ANO2: variants seen among roughly 807,000 people sequenced by gnomAD.
The protein encoded by ANO2 is anoctamin 2.
Under a neutral mutation model 124.2 loss-of-function variants are expected in ANO2, and 101 were observed. The observed-to-expected ratio is 0.81, with a 90% confidence interval of 0.69 to 0.96. The LOEUF is 0.96. Among genes scored for constraint, ANO2 ranks in the 40% least tolerant of loss-of-function variants. The pLI, the probability that ANO2 is intolerant of heterozygous loss-of-function variation, is 0.00. For synonymous variants in ANO2, 486 were observed against 482.5 expected, an observed-to-expected ratio of 1.01 and a Z score of -0.09; for missense variants, 1,293 against 1,274.5, an observed-to-expected ratio of 1.01 and a Z score of -0.22.
chr12:5,678,610 T>C (rs894673250), intron 14 of ANO2, among the ~76,000 whole-genome samples: 2 of 152,246 alleles, frequency 1.3e-5, no homozygotes, highest in Non-Finnish European at 2.9e-5. Flanking sequence ...TGCTGTCTTC[T>C]GTGCTACGTG....
upstream of ANO2, chr12:5,946,210 C>T (rs1214493401): frequency 1.9e-6 from 3 of 1,608,500 alleles, no homozygotes; most frequent in African/African-American, 4.0e-5. This position sits in a 1 kb window ranked among gnomAD's most constrained non-coding sequence, Gnocchi z 4.1. Flanking sequence ...TGATAGATCC[C>T]ACTTTATAGA....
chr12:5,798,497 C>T (rs537520261), intron 10 of ANO2, among the ~76,000 whole-genome samples: 1 of 152,278 alleles, frequency 6.6e-6, no homozygotes, highest in East Asian at 1.9e-4. Flanking sequence ...GCCCCTCTCA[C>T]AATCCCAGCC....
At chr12:5,814,612 C>T (rs145305352) in intron 7 of ANO2, among the ~76,000 whole-genome samples, 236 of 152,316 alleles carry the variant, frequency 1.5e-3, no homozygotes, top group East Asian at 6.4e-3. Flanking sequence ...TTTCTGTCTT[C>T]CGTAACTAGA....
intron 4 of ANO2, among the ~76,000 whole-genome samples, chr12:5,835,448 CGAA>C (rs1186750091): frequency 6.6e-6 from 1 of 152,188 alleles, no homozygotes; most frequent in African/African-American, 2.4e-5. Flanking sequence ...TGTAAGAAGA[CGAA>C]GAGTAAGCCT....
chr12:5,739,903 TCTAC>T (rs1951029004), intron 12 of ANO2: 2 of 456,130 alleles, frequency 4.4e-6, no homozygotes, highest in African/African-American at 2.0e-5. Flanking sequence ...TCCTAACAGT[TCTAC>T]CTGACTCCAG....
intron 14 of ANO2, among the ~76,000 whole-genome samples, chr12:5,652,097 T>C (rs1946941299): frequency 6.6e-6 from 1 of 152,234 alleles, no homozygotes; most frequent in South Asian, 2.1e-4. Context: ...AGGTTTTCAT[T>C]TCCCTTGGAT....
At chr12:5,771,141 T>C (rs545205027) in intron 10 of ANO2, among the ~76,000 whole-genome samples, 2 of 152,376 alleles carry the variant, frequency 1.3e-5, no homozygotes, top group African/African-American at 4.8e-5. Context: ...GTATTCTTAG[T>C]GCCTAGAATG....
At chr12:5,923,163 T>TATACAC (rs1555184603) in intron 1 of ANO2, among the ~76,000 whole-genome samples, 1 of 16,128 alleles carries the variant, frequency 6.2e-5, no homozygotes, top group Non-Finnish European at 1.6e-4. Context: ...CACACACGCA[T>TATACAC]ACACACACAC....
At chr12:5,785,901 C>A (rs145496113) in intron 10 of ANO2, among the ~76,000 whole-genome samples, 6 of 152,306 alleles carry the variant, frequency 3.9e-5, no homozygotes, top group Admixed American at 3.9e-4. Flanking sequence ...TCCAGAGCTC[C>A]TTAAGTGCCT....
chr12:5,567,509 G>GCACACTCCACACT (rs1941840054), intron 23 of ANO2, among the ~76,000 whole-genome samples: 6 of 152,182 alleles, frequency 3.9e-5, no homozygotes, highest in Admixed American at 2.6e-4. Flanking sequence ...GTGCACACAC[G>GCACACTCCACACT]CACACTCCTT....
chr12:5,833,987 C>G (rs151270797), intron 4 of ANO2, among the ~76,000 whole-genome samples: 1 of 152,022 alleles, frequency 6.6e-6, no homozygotes, highest in Non-Finnish European at 1.5e-5. Flanking sequence ...CCTGAGAGTA[C>G]CCAGTAAGGG....
chr12:5,937,328 T>C (rs566017011), intron 1 of ANO2, among the ~76,000 whole-genome samples: 75 of 152,382 alleles, frequency 4.9e-4, no homozygotes, highest in African/African-American at 1.8e-3. Context: ...GAGGACTTTT[T>C]CATATACCTG....
chr12:5,581,789 C>T (rs530997563), intron 20 of ANO2, among the ~76,000 whole-genome samples: 1 of 152,262 alleles, frequency 6.6e-6, no homozygotes, highest in South Asian at 2.1e-4. Flanking sequence ...TCCTCCTGTC[C>T]CCTCCTCTGG....
At chr12:5,930,981 AC>A (rs1338295845) in intron 1 of ANO2, among the ~76,000 whole-genome samples, 1 of 151,982 alleles carries the variant, frequency 6.6e-6, no homozygotes. Context: ...TGATGCCACC[AC>A]CACAGTTTGC....
chr12:5,666,855 G>A (rs190264759), intron 14 of ANO2, among the ~76,000 whole-genome samples: 9 of 150,416 alleles, frequency 6.0e-5, no homozygotes, highest in African/African-American at 1.7e-4. Flanking sequence ...GGCTTTGGCC[G>A]TTGGACAATC....
chr12:5,746,905 C>G (rs1390804899), intron 11 of ANO2, among the ~76,000 whole-genome samples: 1 of 152,192 alleles, frequency 6.6e-6, no homozygotes, highest in Non-Finnish European at 1.5e-5. Flanking sequence ...AAGTGCTTAA[C>G]AAATGAAATC....
intron 21 of ANO2, 142 bp from the exon 22 acceptor site, chr12:5,578,149 C>A: frequency 8.0e-7 from 1 of 1,255,326 alleles, no homozygotes; most frequent in Admixed American, 2.3e-5. Context: ...TCTGGAAAGG[C>A]TTAGGTAGCC....
At chr12:5,778,775 G>C (rs549247522) in intron 10 of ANO2, among the ~76,000 whole-genome samples, 16 of 152,318 alleles carry the variant, frequency 1.1e-4, no homozygotes, top group African/African-American at 3.6e-4. Flanking sequence ...AGGAGATCAA[G>C]TGAGAAGAAA....
intron 15 of ANO2, among the ~76,000 whole-genome samples, chr12:5,647,414 T>C (rs952499608): frequency 7.2e-5 from 11 of 152,168 alleles, no homozygotes; most frequent in African/African-American, 2.7e-4. Context: ...TCCACAAACG[T>C]CAGAGAGGGC....
Sources: gnomAD v4.1 joint callset for allele counts (sites outside exome capture counted in the v4.1 genomes callset) on GRCh38, gnomAD v4.1.1 for gene constraint, Gnocchi (gnomAD v3.1) non-coding constraint, MANE v1.5 for transcripts, NCBI Gene and HGNC (gene_info 2026-07-23, HGNC 2026-07-21) for gene names.